The following CAMLG variants were observed in gnomAD, a reference collection of about 807,000 sequenced individuals.
The protein encoded by CAMLG is guided entry of tail-anchored proteins factor CAMLG.
In CAMLG, 23 loss-of-function variants were observed where a neutral mutation model predicts 28.9. That is an observed-to-expected ratio of 0.80 (90% CI 0.57 to 1.13). The LOEUF is 1.13. Among genes scored for constraint, CAMLG ranks in the 50% most tolerant of loss-of-function variants. The probability of loss-of-function intolerance (pLI) is 0.00; values close to 1 mark genes in which losing one functional copy is unlikely to be tolerated. For missense variants in CAMLG, 367 were observed against 371.9 expected (o/e 0.99, Z 0.11); for synonymous variants, 141 against 146.5 (o/e 0.96, Z 0.27).
intron 1 of CAMLG, among the ~76,000 whole-genome samples, chr5:134,740,682 T>TC (rs1050779657): frequency 5.3e-5 from 8 of 151,992 alleles, no homozygotes; most frequent in Non-Finnish European, 7.4e-5. Context: ...TGCAACCTCC[T>TC]CCCCCCGGGT....
intron 3 of CAMLG, among the ~76,000 whole-genome samples, chr5:134,749,579 C>A (rs183045077): frequency 3.2e-4 from 49 of 152,256 alleles, no homozygotes; most frequent in African/African-American, 1.1e-3. Context: ...ACAATTAGGG[C>A]CCTACATTCC....
At chr5:134,738,930 G>A in intron 1 of CAMLG, 138 bp downstream of exon 1, 2 of 827,000 alleles carry the variant, frequency 2.4e-6, no homozygotes, top group Non-Finnish European at 3.8e-6. Context: ...CCGCCCCTTC[G>A]GTGATATCCC....
chr5:134,741,306 T>A lies in CAMLG; in HGVS notation c.416T>A (p.Leu139Gln). 6.2e-7 allele frequency: 1 copy of A among 1,614,138 alleles called. No individual in the cohort carries two copies. The highest frequency in any genetic ancestry group is 8.5e-7 in the Non-Finnish European group (1 of 1,180,006). The change falls in exon 2 of 4, where the codon CTG becomes CAG. Residue 139 changes from leucine (L) to glutamine (Q), a missense_variant. Coordinates refer to ENST00000297156, the MANE Select transcript of CAMLG (RefSeq NM_001745.4). ...CTCCGGCAGCGGAACAGAGGGGACC[T>A]GACAGCGGACTCGGTCCAGAGGGGT... The part of the protein sequence containing the change: ...LELRQRNRGD[L>Q]TADSVQRGSR...
Position 134,751,030 on chromosome 5 carries a change from A to AT in CAMLG, c.*82dup. 2.0e-6 allele frequency: 2 copies of AT among 1,008,708 alleles called. No homozygotes were observed. Among genetic ancestry groups the AT allele is most frequent in the Non-Finnish European group, 2.9e-6 (2 of 680,278 alleles). The allele number at this position is 1,008,708 out of a possible 1,614,324, so 62.5% of individuals were successfully genotyped here. A position where few individuals can be genotyped will look rare whatever the true frequency, so the allele number is the denominator to read the frequency against. On this transcript the variant is annotated 3_prime_UTR_variant, in exon 4 of 4. Transcript: ENST00000297156. ...ATTGCAGTGTCTCTAAAGGAGGCAA[A>AT]TTGGTTTACACCTTCATGTAATTCT...
intron 3 of CAMLG, among the ~76,000 whole-genome samples, chr5:134,747,688 C>A (rs1753066757): frequency 6.7e-6 from 1 of 150,120 alleles, no homozygotes; most frequent in Non-Finnish European, 1.5e-5. Context: ...TGTCACCAGG[C>A]AGGAGTGCAG....
At position 134,744,035 on chromosome 5, in the gene CAMLG, T is replaced by C. The variant is rs1753016327; in HGVS notation, c.682T>C (p.Tyr228His). 3 of 1,419,948 alleles carry C rather than the reference T, an allele frequency of 2.1e-6. No individual in the cohort carries two copies. The highest frequency in any genetic ancestry group is 3.0e-6 in the Non-Finnish European group (3 of 1,006,718). 88.0% of individuals were successfully genotyped at this position (1,419,948 alleles called of 1,614,324 possible). The change falls in exon 3 of 4, where the codon TAC becomes CAC. Residue 228 changes from tyrosine to histidine, a missense_variant. By Grantham distance (83) the Tyr-to-His change is moderately conservative. Transcript: ENST00000297156. ...TTTACAACTTGCGTACATGGGATTA[T>C]ACAAATATTTTCCCAAGGTAAATTA... ...LTLQLAYMGL[Y>H]KYFPKSEKKI... is the part of the protein sequence containing the mutation.
chr5:134,743,889 C>T (rs1214980116), intron 2 of CAMLG, 98 bp from the exon 3 acceptor site: 2 of 643,008 alleles, frequency 3.1e-6, no homozygotes, highest in African/African-American at 1.9e-5. Context: ...ACAACATTTT[C>T]TTACAGCTTT....
intron 3 of CAMLG, among the ~76,000 whole-genome samples, chr5:134,750,272 G>A (rs539780087): frequency 1.3e-5 from 2 of 152,244 alleles, no homozygotes; most frequent in African/African-American, 4.8e-5. Flanking sequence ...AGGTGCAGTG[G>A]CTCACACCTG....
chr5:134,738,607 CTG>C lies in CAMLG; in HGVS notation c.-11_-10del. 6.2e-7 allele frequency: 1 copy of C among 1,604,372 alleles called. No individual in the cohort carries two copies. Among genetic ancestry groups the C allele is most frequent in the Non-Finnish European group, 8.5e-7 (1 of 1,176,052 alleles). On this transcript the variant is annotated 5_prime_UTR_variant, in exon 1 of 4. Transcript: ENST00000297156. ...CACCGCCACTGCCACCCCTCCCAGA[CTG>C]TGGACGGGAGGATGGAGTCGATGGC...
chr5:134,741,237 C>G lies in CAMLG; in HGVS notation c.347C>G (p.Ser116Trp). Residue 116 changes from serine (S) to tryptophan (W), a missense_variant, in exon 2 of 4, where the codon TCG (serine) becomes TGG (tryptophan). Transcript: ENST00000297156. ...KGTQLGDKLD[S>W]FIKPPECSSD... ...ACCCAACTGGGAGACAAATTGGACT[C>G]GTTCATTAAACCACCTGAGTGCAGT... 6.2e-7 allele frequency: 1 copy of G among 1,614,174 alleles called. No homozygotes were observed. The highest frequency in any genetic ancestry group is 8.5e-7 in the Non-Finnish European group (1 of 1,180,026).
chr5:134,741,484 T>G lies in CAMLG; in HGVS notation c.594T>G (p.Leu198=), dbSNP rs377451121. The G allele has an allele frequency of 1.2e-6, 2 of 1,613,340 alleles. No individual in the cohort carries two copies. The highest frequency in any genetic ancestry group is 1.3e-5 in the African/African-American group (1 of 74,928). ...TATTTAGATTGGTGGGATGTGCTCT[T>G]CTTGCTCTTGGAGTCAGAGCTTTTG... The part of the protein sequence containing the change: ...FRIFRLVGCA[L]LALGVRAFVC... Residue 198 remains leucine, a synonymous_variant, in exon 2 of 4, where the codon CTT becomes CTG. Coordinates refer to ENST00000297156, the MANE Select transcript of CAMLG (RefSeq NM_001745.4).
At chr5:134,750,094 C>G (rs1335760431) in intron 3 of CAMLG, among the ~76,000 whole-genome samples, 2 of 152,198 alleles carry the variant, frequency 1.3e-5, no homozygotes, top group African/African-American at 4.8e-5. Flanking sequence ...CTCCTGTGAG[C>G]TCCTATGTCA....
At chr5:134,739,434 C>T (rs532235551) in intron 1 of CAMLG, among the ~76,000 whole-genome samples, 189 of 152,274 alleles carry the variant, frequency 1.2e-3, no homozygotes, top group African/African-American at 4.4e-3. Flanking sequence ...GAAGTGCACA[C>T]CTGAGAGTTT....
In CAMLG at chr5:134,738,802, T is replaced by C. The variant is rs754694658; in HGVS notation, c.172+10T>C. ...CCCGGGAGCGGCGCGGGTAAGAGCCTCGATTTCCCCTCAGTCTCCCGCCCA... is the reference window on the plus strand; with the variant it reads ...CCCGGGAGCGGCGCGGGTAAGAGCCCCGATTTCCCCTCAGTCTCCCGCCCA... On this transcript the variant is annotated intron_variant, in intron 1 of 3. Coordinates refer to ENST00000297156, the MANE Select transcript of CAMLG (RefSeq NM_001745.4). 1.5e-4 allele frequency: 235 copies of C among 1,613,390 alleles called. No individual in the cohort carries two copies. Among genetic ancestry groups the C allele is most frequent in the Non-Finnish European group, 1.8e-4 (215 of 1,179,590 alleles).
intron 3 of CAMLG, among the ~76,000 whole-genome samples, chr5:134,745,998 C>T (rs1048019218): frequency 2.0e-5 from 3 of 151,632 alleles, no homozygotes; most frequent in Non-Finnish European, 2.9e-5. Flanking sequence ...ATTAGCCAGG[C>T]ATGGTGGCGC....
chr5:134,744,087 G>A (rs1753017205), intron 3 of CAMLG, 35 bp downstream of exon 3: 1 of 946,944 alleles, frequency 1.1e-6, no homozygotes, highest in African/African-American at 1.6e-5. Context: ...TCGATGATGT[G>A]TTTGGATTGA....
intron 1 of CAMLG, among the ~76,000 whole-genome samples, chr5:134,740,071 G>C (rs535512182): frequency 9.4e-5 from 14 of 149,316 alleles, no homozygotes; most frequent in Admixed American, 2.7e-4. Flanking sequence ...GTGTGGAGAT[G>C]GGGGGGTCTC....
chr5:134,744,017 C>A lies in CAMLG; in HGVS notation c.664C>A (p.Leu222Ile). The A allele has an allele frequency of 6.9e-7, 1 of 1,448,030 alleles. No individual in the cohort carries two copies. 89.7% of individuals were successfully genotyped at this position (1,448,030 alleles called of 1,614,324 possible). The part of the protein sequence containing the change: ...SIFAPFLTLQ[L>I]AYMGLYKYFP... ...ATTTGCTCCATTTCTTACTTTACAA[C>A]TTGCGTACATGGGATTATACAAATA... is the stretch of plus-strand genomic sequence containing the variant. Residue 222 changes from leucine (L) to isoleucine (I), a missense_variant, in exon 3 of 4, where the codon CTT becomes ATT. Leu to Ile is a conservative substitution (Grantham distance 5). Coordinates refer to ENST00000297156, the MANE Select transcript of CAMLG (RefSeq NM_001745.4).
chr5:134,742,599 T>C (rs1037282001), intron 2 of CAMLG, among the ~76,000 whole-genome samples: 2 of 152,216 alleles, frequency 1.3e-5, no homozygotes, highest in Non-Finnish European at 2.9e-5. Flanking sequence ...TGTTTTATAG[T>C]ATATTAAAGA....
Sources: allele counts gnomAD v4.1 joint callset (sites outside exome capture counted in the v4.1 genomes callset), GRCh38; gene constraint gnomAD v4.1.1; transcripts MANE v1.5; gene names NCBI Gene and HGNC (gene_info 2026-07-23, HGNC 2026-07-21).